The following ANO2 variants were observed in gnomAD, a reference collection of about 807,000 sequenced individuals.
ANO2 encodes anoctamin-2.
Under a neutral mutation model 124.2 loss-of-function variants are expected in ANO2, and 101 were observed. The ratio of observed to expected loss-of-function variants is 0.81; its 90% confidence interval spans 0.69 to 0.96. The LOEUF (loss-of-function observed/expected upper bound fraction) is 0.96, where lower values mean the gene tolerates loss of function less well. ANO2 is among the 40% of genes least tolerant of loss of function. ANO2 has a pLI of 0.00. For synonymous variants in ANO2, 486 were observed against 482.5 expected, an observed-to-expected ratio of 1.01 and a Z score of -0.09; for missense variants, 1,293 against 1,274.5, an observed-to-expected ratio of 1.01 and a Z score of -0.22.
At chr12:5,891,259 A>G (rs546211688) in intron 3 of ANO2, among the ~76,000 whole-genome samples, 45 of 152,300 alleles carry the variant, frequency 3.0e-4, no homozygotes, top group African/African-American at 1.0e-3. Flanking sequence ...AAAGAGTGGA[A>G]GGAAGCCCCC....
intron 3 of ANO2, among the ~76,000 whole-genome samples, chr12:5,884,655 C>T (rs1938753512): frequency 1.3e-5 from 2 of 152,224 alleles, no homozygotes; most frequent in Admixed American, 1.3e-4. Context: ...TCCACCTTGC[C>T]TGAGAGTGTG....
In ANO2 at chr12:5,811,306, C is replaced by G. The variant is rs144690731; in HGVS notation, c.893-3938G>C. On this transcript the variant is annotated intron_variant, in intron 7 of 24. Transcript: ENST00000682330. The stretch of plus-strand genomic sequence containing the variant: ...TCCCAGACGGTGCATTTAACAGAGA[C>G]TATATTTACCCATCACCAAATTGTC... Among the ~76,000 whole-genome samples the G allele has an allele frequency of 3.3e-3, 506 of 152,342 alleles. 3 individuals are homozygous for G. Among genetic ancestry groups the G allele is most frequent in the African/African-American group, 0.012 (488 of 41,564 alleles).
At chr12:5,623,358 C>T (rs528469412) in intron 16 of ANO2, among the ~76,000 whole-genome samples, 1 of 152,284 alleles carries the variant, frequency 6.6e-6, no homozygotes, top group South Asian at 2.1e-4. Context: ...AAAGTTTCAC[C>T]TGCTTCCAAA....
intron 10 of ANO2, among the ~76,000 whole-genome samples, chr12:5,758,055 C>T (rs534052440): frequency 4.6e-5 from 7 of 152,232 alleles, no homozygotes; most frequent in Non-Finnish European, 8.8e-5. Context: ...CCATGCACTT[C>T]CTGGAATCTT....
chr12:5,572,926 A>G (rs1942208044), intron 23 of ANO2, among the ~76,000 whole-genome samples: 1 of 152,164 alleles, frequency 6.6e-6, no homozygotes, highest in Non-Finnish European at 1.5e-5. Flanking sequence ...GGAGACAACT[A>G]TCAGAGCCTT....
intron 14 of ANO2, among the ~76,000 whole-genome samples, chr12:5,670,940 T>C (rs142570358): frequency 6.6e-6 from 1 of 152,282 alleles, no homozygotes; most frequent in Non-Finnish European, 1.5e-5. Flanking sequence ...GACAGAAGCC[T>C]GAGGTTTCCA....
chr12:5,897,884 A>C (rs1939905020), intron 3 of ANO2, among the ~76,000 whole-genome samples: 1 of 152,216 alleles, frequency 6.6e-6, no homozygotes, highest in Admixed American at 6.5e-5. Flanking sequence ...ACTGACATAA[A>C]GGAAAAGATC....
At chr12:5,610,623 TTA>T (rs891431349) in intron 19 of ANO2, among the ~76,000 whole-genome samples, 16 of 142,774 alleles carry the variant, frequency 1.1e-4, no homozygotes, top group African/African-American at 3.6e-4. Context: ...ATGTATATAT[TTA>T]TATATATGTA....
intron 16 of ANO2, among the ~76,000 whole-genome samples, chr12:5,622,437 T>C (rs1185912288): frequency 6.6e-6 from 1 of 152,188 alleles, no homozygotes; most frequent in African/African-American, 2.4e-5. Flanking sequence ...TCCAAATCCA[T>C]GTGACAGGCC....
At chr12:5,801,936 C>A (rs1003657650) in intron 9 of ANO2, among the ~76,000 whole-genome samples, 1 of 152,204 alleles carries the variant, frequency 6.6e-6, no homozygotes, top group Non-Finnish European at 1.5e-5. Context: ...ATAGTGACAT[C>A]ATTTGTTGCC....
At chr12:5,739,241 C>G (rs1484754828) in intron 13 of ANO2, 76 bp downstream of exon 13, 37 of 1,313,656 alleles carry the variant, frequency 2.8e-5, no homozygotes, top group Non-Finnish European at 2.1e-5. Flanking sequence ...TTATCTCACT[C>G]AAGAGAGTCC....
chr12:5,882,811 T>C (rs1938592233), intron 3 of ANO2, among the ~76,000 whole-genome samples: 1 of 151,938 alleles, frequency 6.6e-6, no homozygotes, highest in Admixed American at 6.6e-5. Context: ...AAGGCAGAGA[T>C]CTTGATCAAA....
chr12:5,610,983 T>TTG (rs1944519019), intron 19 of ANO2, among the ~76,000 whole-genome samples: 2 of 121,658 alleles, frequency 1.6e-5, no homozygotes, highest in African/African-American at 6.2e-5. Flanking sequence ...TTTTTTTTTT[T>TTG]TTTTTTGAGA....
intron 7 of ANO2, among the ~76,000 whole-genome samples, chr12:5,823,589 C>A (rs1209765334): frequency 6.6e-6 from 1 of 152,240 alleles, no homozygotes; most frequent in East Asian, 1.9e-4. Flanking sequence ...CAGCCTCCCT[C>A]CTGGCTGCTT....
intron 1 of ANO2, among the ~76,000 whole-genome samples, chr12:5,932,840 C>T (rs1442330407): frequency 6.6e-6 from 1 of 152,206 alleles, no homozygotes; most frequent in African/African-American, 2.4e-5. Context: ...AAGCCCTCAG[C>T]TCTCCCTAGA....
At chr12:5,568,899 A>G (rs575936497) in intron 23 of ANO2, among the ~76,000 whole-genome samples, 1 of 152,338 alleles carries the variant, frequency 6.6e-6, no homozygotes. Flanking sequence ...TCCATCACAG[A>G]GTTGTTCTGA....
At chr12:5,594,441 T>C (rs1208024269) in intron 20 of ANO2, among the ~76,000 whole-genome samples, 4 of 152,216 alleles carry the variant, frequency 2.6e-5, no homozygotes, top group Admixed American at 6.5e-5. Context: ...TATGGTCTGA[T>C]GTGAAATGCA....
chr12:5,768,101 T>C (rs1270850378), intron 10 of ANO2, among the ~76,000 whole-genome samples: 1 of 152,192 alleles, frequency 6.6e-6, no homozygotes. Context: ...ACACTGGGCT[T>C]TTCTAAAGGA....
chr12:5,632,105 C>T (rs1257041289), intron 16 of ANO2, among the ~76,000 whole-genome samples: 4 of 152,120 alleles, frequency 2.6e-5, no homozygotes, highest in African/African-American at 9.7e-5. Flanking sequence ...CCCACTGCCA[C>T]ACAGCTCAGG....
Sources: gnomAD v4.1 joint callset for allele counts (sites outside exome capture counted in the v4.1 genomes callset) on GRCh38, gnomAD v4.1.1 for gene constraint, MANE v1.5 for transcripts, NCBI Gene and HGNC (gene_info 2026-07-23, HGNC 2026-07-21) for gene names.